FER: variants seen among roughly 807,000 people sequenced by gnomAD.
FER encodes FER tyrosine kinase, also known as tyrosine-protein kinase Fer.
In FER, 63 loss-of-function variants were observed where a neutral mutation model predicts 111.0. That is an observed-to-expected ratio of 0.57 (90% confidence interval 0.46 to 0.70). FER has a LOEUF of 0.70. Among genes scored for constraint, FER ranks in the 30% least tolerant of loss-of-function variants. The probability of loss-of-function intolerance (pLI) is 0.00; values close to 1 mark genes in which losing one functional copy is unlikely to be tolerated. For synonymous variants in FER, 327 were observed against 313.9 expected, an observed-to-expected ratio of 1.04 and a Z score of -0.44; for missense variants, 914 against 954.0, an observed-to-expected ratio of 0.96 and a Z score of 0.55.
intron 13 of FER, among the ~76,000 whole-genome samples, chr5:109,023,597 G>T (rs1285860275): frequency 6.6e-6 from 1 of 151,730 alleles, no homozygotes; most frequent in African/African-American, 2.4e-5. Flanking sequence ...CTATCTAAAT[G>T]GTTCCCTTAT....
intron 16 of FER, among the ~76,000 whole-genome samples, chr5:109,056,597 G>A (rs1266652241): frequency 1.3e-5 from 2 of 152,082 alleles, no homozygotes; most frequent in Non-Finnish European, 2.9e-5. Flanking sequence ...GTAGGTCAGA[G>A]GATACAAAGT....
chr5:109,142,325 C>G (rs527376115), intron 17 of FER, among the ~76,000 whole-genome samples: 6 of 152,110 alleles, frequency 3.9e-5, no homozygotes, highest in Non-Finnish European at 7.4e-5. Context: ...TTCTAATAAT[C>G]TGACCCTAAT....
chr5:108,954,636 T>G, intron 11 of FER, 93 bp from the exon 12 acceptor site: 1 of 959,346 alleles, frequency 1.0e-6, no homozygotes, highest in Non-Finnish European at 1.5e-6. Flanking sequence ...GGGAGGAACA[T>G]TTGTAAGAAG....
At chr5:108,921,589 A>G (rs953506813) in intron 10 of FER, among the ~76,000 whole-genome samples, 2 of 152,158 alleles carry the variant, frequency 1.3e-5, no homozygotes, top group Admixed American at 6.5e-5. Flanking sequence ...GATAGGGAAC[A>G]TATCAGTGGA....
At chr5:109,003,856 T>C (rs1269286098) in intron 13 of FER, among the ~76,000 whole-genome samples, 1 of 152,048 alleles carries the variant, frequency 6.6e-6, no homozygotes, top group East Asian at 1.9e-4. Flanking sequence ...GGCGCACACC[T>C]GTAGTCCAAG....
intron 13 of FER, among the ~76,000 whole-genome samples, chr5:109,000,217 A>G (rs1764550871): frequency 6.6e-6 from 1 of 151,892 alleles, no homozygotes; most frequent in African/African-American, 2.4e-5. Flanking sequence ...ACCATAGTTT[A>G]TATTAAAATG....
intron 13 of FER, among the ~76,000 whole-genome samples, chr5:108,961,088 T>TA (rs1409839999): frequency 7.4e-6 from 1 of 136,000 alleles, no homozygotes; most frequent in Non-Finnish European, 1.7e-5. Flanking sequence ...ACCCTGTCTC[T>TA]AAATAAAGTG....
At chr5:109,119,114 T>G (rs1452470000) in intron 17 of FER, among the ~76,000 whole-genome samples, 2 of 152,186 alleles carry the variant, frequency 1.3e-5, no homozygotes, top group East Asian at 1.9e-4. Flanking sequence ...GTGTCAATTT[T>G]AGATCTTTCC....
intron 5 of FER, among the ~76,000 whole-genome samples, chr5:108,840,697 A>G (rs1348337031): frequency 6.6e-6 from 1 of 152,112 alleles, no homozygotes; most frequent in African/African-American, 2.4e-5. Flanking sequence ...AACATTTTTG[A>G]CAGGACTGCT....
chr5:109,161,172 C>A (rs989314615), intron 17 of FER, among the ~76,000 whole-genome samples: 1 of 152,054 alleles, frequency 6.6e-6, no homozygotes, highest in African/African-American at 2.4e-5. Context: ...ATAAAAGGTT[C>A]TTTATTTAAA....
intron 9 of FER, among the ~76,000 whole-genome samples, chr5:108,895,240 A>G (rs1479015593): frequency 6.6e-6 from 1 of 152,166 alleles, no homozygotes; most frequent in Admixed American, 6.6e-5. Context: ...TTAACTTTTT[A>G]TAATGGTTTA....
chr5:108,890,558 C>T (rs577719600), intron 9 of FER, among the ~76,000 whole-genome samples: 2 of 152,128 alleles, frequency 1.3e-5, no homozygotes, highest in Admixed American at 1.3e-4. Flanking sequence ...TGACCCTCTG[C>T]CTGTGTGTCT....
chr5:108,908,586 A>G (rs1038184466), intron 10 of FER, among the ~76,000 whole-genome samples: 2 of 152,132 alleles, frequency 1.3e-5, no homozygotes, highest in African/African-American at 4.8e-5. Flanking sequence ...CTCTCTATTA[A>G]ACTGTGTAGT....
chr5:108,977,777 T>TA (rs1305406634), intron 13 of FER, among the ~76,000 whole-genome samples: 17 of 152,208 alleles, frequency 1.1e-4, no homozygotes, highest in Non-Finnish European at 2.4e-4. Flanking sequence ...TCTATTTCCT[T>TA]GCTGCGGCTA....
chr5:108,972,490 A>G (rs1760792749), intron 13 of FER, among the ~76,000 whole-genome samples: 2 of 152,172 alleles, frequency 1.3e-5, no homozygotes, highest in Non-Finnish European at 2.9e-5. Context: ...ATCTCATAAA[A>G]AGTCTTCTTC....
chr5:108,878,760 T>G (rs1765350083), intron 8 of FER, among the ~76,000 whole-genome samples: 1 of 152,186 alleles, frequency 6.6e-6, no homozygotes, highest in African/African-American at 2.4e-5. Context: ...GAACTAAGCA[T>G]CATTAGCATC....
In FER at chr5:108,872,318, A is replaced by C. The variant is rs891520177; in HGVS notation, c.923+106A>C. On this transcript the variant is annotated intron_variant, in intron 8 of 19. Transcript: ENST00000281092. Reference sequence around the variant, plus strand: ...TTATTTTTACAAGTATTGAACAGTAAATTTTTGGGGTCAGAGTGACATGTT... The same window carrying C: ...TTATTTTTACAAGTATTGAACAGTACATTTTTGGGGTCAGAGTGACATGTT... The C allele has an allele frequency of 9.9e-6, 11 of 1,107,168 alleles. No individual in the cohort carries two copies. The East Asian group carries it at 1.4e-4, about 15-fold the overall frequency. The allele number at this position is 1,107,168 out of a possible 1,614,324, so 68.6% of individuals were successfully genotyped here.
At chr5:109,138,640 T>C (rs987833741) in intron 17 of FER, among the ~76,000 whole-genome samples, 3 of 152,204 alleles carry the variant, frequency 2.0e-5, no homozygotes, top group African/African-American at 7.2e-5. Flanking sequence ...CAAAAATTCT[T>C]GATTTCTCTA....
chr5:108,946,091 G>T, intron 10 of FER, 39 bp from the exon 11 acceptor site: 1 of 1,429,358 alleles, frequency 7.0e-7, no homozygotes, highest in South Asian at 1.1e-5. Context: ...ATATTGGATA[G>T]TTTACTGTTG....
Sources: gnomAD v4.1 joint callset for allele counts (sites outside exome capture counted in the v4.1 genomes callset) on GRCh38, gnomAD v4.1.1 for gene constraint, MANE v1.5 for transcripts, NCBI Gene and HGNC (gene_info 2026-07-23, HGNC 2026-07-21) for gene names.